Variants in NT5M observed in about 807,000 individuals in gnomAD.
NT5M encodes the protein 5'(3')-deoxyribonucleotidase, mitochondrial.
A neutral mutation model predicts 22.2 loss-of-function variants in NT5M; 22 were observed. The ratio of observed to expected loss-of-function variants is 0.99; its 90% CI spans 0.71 to 1.41. The LOEUF (loss-of-function observed/expected upper bound fraction) is 1.41, where lower values mean the gene tolerates loss of function less well. NT5M is among the 40% of genes most tolerant of loss of function. The pLI is 0.00. For missense variants in NT5M, 322 were observed against 314.8 expected, an observed-to-expected ratio of 1.02 and a Z score of -0.17; for synonymous variants, 167 against 133.0, an observed-to-expected ratio of 1.26 and a Z score of -1.76.
At chr17:17,330,039 G>T (rs911170971) in intron 3 of NT5M, among the ~76,000 whole-genome samples, 1 of 152,048 alleles carries the variant, frequency 6.6e-6, no homozygotes, top group Admixed American at 6.6e-5. Context: ...GGTGGCTCAC[G>T]CCTGTAATCC....
At chr17:17,305,413 C>CCCCCCCCCCT (rs1567877233) in intron 1 of NT5M, among the ~76,000 whole-genome samples, 8 of 124,976 alleles carry the variant, frequency 6.4e-5, no homozygotes, top group Non-Finnish European at 1.1e-4. Flanking sequence ...CCCCCGCCCC[C>CCCCCCCCCCT]ACACACGTGG....
Position 17,347,180 on chromosome 17 carries a change from T to C in NT5M, c.*233T>C, listed in dbSNP as rs540057295. ...ACACGTGGTCCCAGGCCGTTCAGCC[T>C]GACCTCAGGCAGCAGGCACCAAGCT... On this transcript the variant is annotated 3_prime_UTR_variant, in exon 5 of 5. Coordinates refer to ENST00000389022, the MANE Select transcript of NT5M (RefSeq NM_020201.4). The C allele has an allele frequency of 9.0e-4, 504 of 558,560 alleles. 1 individual carries two copies. The highest frequency in any genetic ancestry group is 8.7e-4 in the Non-Finnish European group (280 of 321,980). The allele number at this position is 558,560 out of a possible 1,614,324, so 34.6% of individuals were successfully genotyped here. A position where few individuals can be genotyped will look rare whatever the true frequency, so the allele number is the denominator to read the frequency against.
intron 1 of NT5M, chr17:17,304,432 G>A (rs1246873693): frequency 1.0e-6 from 1 of 985,282 alleles, no homozygotes; most frequent in Non-Finnish European, 1.2e-6. Flanking sequence ...GTCCAGGATG[G>A]ATAGAGGGGA....
At chr17:17,313,192 C>T (rs1440338188) in intron 2 of NT5M, among the ~76,000 whole-genome samples, 4 of 152,050 alleles carry the variant, frequency 2.6e-5, no homozygotes, top group Admixed American at 6.6e-5. Flanking sequence ...GCAGGAGAAT[C>T]GCTTGAACCC....
rs1019716114 is a variant in NT5M at position 17,344,070 on chromosome 17, C to T, written c.430-724C>T. The stretch of plus-strand genomic sequence containing the variant: ...AAGGATGCCGAGAGCCCACCAGTGG[C>T]GAGAGGATGCCGGTGGCTTGCCAGG... On this transcript the variant is annotated intron_variant, in intron 3 of 4. Coordinates refer to ENST00000389022, the MANE Select transcript of NT5M (RefSeq NM_020201.4). 5.9e-5 allele frequency among the ~76,000 whole-genome samples: 9 copies of T among 152,162 alleles called. No homozygotes were observed. The South Asian group carries it at 6.2e-4, about 11-fold the overall frequency.
In NT5M at chr17:17,347,457, CCTT is replaced by C. The variant is rs1188127286; in HGVS notation, c.*513_*515del. On this transcript the variant is annotated 3_prime_UTR_variant, in exon 5 of 5. Transcript: ENST00000389022. ...TGCCCAACCTGCTCACCCCACATGA[CCTT>C]CTGTGTATTCAGCAAACACTCACTA... 3 of 163,108 alleles carry C rather than the reference CCTT, an allele frequency of 1.8e-5. No homozygotes were observed. The highest frequency in any genetic ancestry group is 5.9e-5 in the Admixed American group (1 of 16,916). 10.1% of individuals were successfully genotyped at this position (163,108 alleles called of 1,614,324 possible). A position where few individuals can be genotyped will look rare whatever the true frequency, so the allele number is the denominator to read the frequency against.
At chr17:17,321,041 T>C (rs898739551) in intron 2 of NT5M, among the ~76,000 whole-genome samples, 1 of 152,088 alleles carries the variant, frequency 6.6e-6, no homozygotes, top group Non-Finnish European at 1.5e-5. Context: ...GTCGGGGACA[T>C]TCTGCTTCGA....
intron 2 of NT5M, among the ~76,000 whole-genome samples, chr17:17,309,803 G>A (rs1222326744): frequency 4.0e-5 from 6 of 150,110 alleles, no homozygotes; most frequent in Admixed American, 3.3e-4. Context: ...ATTGGACTAC[G>A]CCAAAAGTAA....
At chr17:17,345,274 T>C in intron 4 of NT5M, 1 of 1,042,940 alleles carries the variant, frequency 9.6e-7, no homozygotes, top group Non-Finnish European at 1.2e-6. Context: ...ACTGATGCAA[T>C]GAATGACAGG....
At chr17:17,326,744 G>A (rs574521434) in intron 3 of NT5M, among the ~76,000 whole-genome samples, 8 of 152,314 alleles carry the variant, frequency 5.3e-5, no homozygotes, top group Admixed American at 2.6e-4. Flanking sequence ...TGGCAGAGGC[G>A]TGGCTTCCCA....
intron 2 of NT5M, among the ~76,000 whole-genome samples, chr17:17,319,586 G>A (rs1375552600): frequency 6.6e-6 from 1 of 152,164 alleles, no homozygotes; most frequent in Non-Finnish European, 1.5e-5. Flanking sequence ...TATCAGAATA[G>A]TTTTGCTGGA....
intron 3 of NT5M, among the ~76,000 whole-genome samples, chr17:17,326,702 C>T (rs1013590946): frequency 2.6e-5 from 4 of 151,962 alleles, no homozygotes; most frequent in African/African-American, 4.8e-5. Flanking sequence ...CCCTGGGTGC[C>T]CTGATGGACT....
chr17:17,315,339 A>G (rs922214048), intron 2 of NT5M, among the ~76,000 whole-genome samples: 9 of 152,152 alleles, frequency 5.9e-5, no homozygotes, highest in African/African-American at 2.2e-4. Flanking sequence ...TAACACACCT[A>G]AGGTCTCCAG....
At position 17,336,308 on chromosome 17, in the gene NT5M, T is replaced by C. The variant is rs1218069062; in HGVS notation, c.430-8486T>C. 2.0e-5 allele frequency among the ~76,000 whole-genome samples: 3 copies of C among 152,234 alleles called. No homozygotes were observed. In the East Asian group the frequency reaches 5.8e-4, roughly 29 times the overall value. On this transcript the variant is annotated intron_variant, in intron 3 of 4. Coordinates refer to ENST00000389022, the MANE Select transcript of NT5M (RefSeq NM_020201.4). ...TGAGCCACCGCGCCCAGCCTATTCA[T>C]TCTATTTTTTTGTGCCCATTAACTC...
chr17:17,321,905 C>T (rs2049159420), intron 2 of NT5M, among the ~76,000 whole-genome samples: 2 of 151,604 alleles, frequency 1.3e-5, no homozygotes, highest in African/African-American at 4.8e-5. Flanking sequence ...TGGGTGGTGG[C>T]CAGGGAGGCA....
At chr17:17,306,476 C>CT in intron 1 of NT5M, 67 bp from the exon 2 acceptor site, 1 of 1,094,892 alleles carries the variant, frequency 9.1e-7, no homozygotes, top group East Asian at 2.4e-5. Context: ...CCTGGCCATA[C>CT]TCCCCAAGAT....
chr17:17,338,724 G>GTT (rs1467251025), intron 3 of NT5M, among the ~76,000 whole-genome samples: 1 of 86,306 alleles, frequency 1.2e-5, no homozygotes, highest in African/African-American at 5.2e-5. Context: ...AATGTCATTG[G>GTT]TATTTTTTTT....
At chr17:17,306,279 G>C (rs1161422176) in intron 1 of NT5M, among the ~76,000 whole-genome samples, 1 of 152,168 alleles carries the variant, frequency 6.6e-6, no homozygotes, top group Non-Finnish European at 1.5e-5. Context: ...AGGTCCCAGA[G>C]AGCTCCAGCA....
intron 2 of NT5M, among the ~76,000 whole-genome samples, chr17:17,319,865 ACGGAGTCTCG>A (rs1458265166): frequency 6.6e-6 from 1 of 152,124 alleles, no homozygotes; most frequent in Non-Finnish European, 1.5e-5. Flanking sequence ...TTATTTTGAG[ACGGAGTCTCG>A]CTCTGTCGTC....
Sources: gnomAD v4.1 joint callset for allele counts (sites outside exome capture counted in the v4.1 genomes callset) on GRCh38, gnomAD v4.1.1 for gene constraint, MANE v1.5 for transcripts, NCBI Gene and HGNC (gene_info 2026-07-23, HGNC 2026-07-21) for gene names.